Variants in LACRT observed in about 807,000 individuals in gnomAD.
LACRT encodes the protein extracellular glycoprotein lacritin.
In LACRT, 14 loss-of-function variants were observed where a neutral mutation model predicts 14.5. The ratio of observed to expected loss-of-function variants is 0.96; its 90% CI spans 0.64 to 1.51. The LOEUF (loss-of-function observed/expected upper bound fraction) is 1.51. Among genes scored for constraint, LACRT ranks in the 40% most tolerant of loss-of-function variants. The pLI is 0.00. For synonymous variants in LACRT, 70 were observed against 63.5 expected, an observed-to-expected ratio of 1.10 and a Z score of -0.48; for missense variants, 156 against 161.8, an observed-to-expected ratio of 0.96 and a Z score of 0.19.
chr12:54,631,520 C>T (rs914551096), intron 4 of LACRT, among the ~76,000 whole-genome samples: 1 of 152,186 alleles, frequency 6.6e-6, no homozygotes, highest in Non-Finnish European at 1.5e-5. Context: ...GGATTACAGG[C>T]GTGAACCACC....
Position 54,633,188 on chromosome 12 carries a change from G to T in LACRT, c.104C>A (p.Ala35Asp). The T allele has an allele frequency of 6.2e-7, 1 of 1,613,932 alleles. No homozygotes were observed. Among genetic ancestry groups the T allele is most frequent in the Non-Finnish European group, 8.5e-7 (1 of 1,179,904 alleles). ...DSTGADPAQE[A>D]GTSKPNEEIS... The stretch of plus-strand genomic sequence containing the variant: ...GGGAGAGGAGGACTCACAGGTCCCA[G>T]CTTCCTGGGCAGGATCAGCACCCGT... The change falls in exon 2 of 5, where the codon GCT becomes GAT. Residue 35 changes from alanine to aspartate, a missense_variant. Transcript: ENST00000257867.
chr12:54,634,467 T>G (rs1401035749), intron 1 of LACRT, among the ~76,000 whole-genome samples: 2 of 152,040 alleles, frequency 1.3e-5, no homozygotes, highest in Non-Finnish European at 2.9e-5. Flanking sequence ...ACTCCTTGCC[T>G]GGGCACCCTC....
At chr12:54,632,105 C>G in intron 3 of LACRT, 136 bp downstream of exon 3, 1 of 970,304 alleles carries the variant, frequency 1.0e-6, no homozygotes, top group Non-Finnish European at 1.6e-6. Context: ...TGCACAATCC[C>G]ATTTGTGCCT....
At chr12:54,631,920 G>GC (rs1958154982) in intron 3 of LACRT, 81 bp from the exon 4 acceptor site, 4 of 728,598 alleles carry the variant, frequency 5.5e-6, no homozygotes, top group Non-Finnish European at 6.6e-6. Flanking sequence ...ACCTGCACCC[G>GC]CCCCCCACCC....
intron 1 of LACRT, 77 bp from the exon 2 acceptor site, chr12:54,633,310 C>CA: frequency 8.0e-7 from 1 of 1,256,616 alleles, no homozygotes; most frequent in Middle Eastern, 1.9e-4. Context: ...CTCCCATTCC[C>CA]AAAGCTTATC....
intron 4 of LACRT, among the ~76,000 whole-genome samples, chr12:54,631,204 C>T (rs769693893): frequency 6.6e-6 from 1 of 152,140 alleles, no homozygotes; most frequent in Non-Finnish European, 1.5e-5. Flanking sequence ...GGGGTTAGAC[C>T]CCAGGTGAAT....
At position 54,630,968 on chromosome 12, in the gene LACRT, G is replaced by T; in HGVS notation, c.356-15C>A. 6.3e-7 allele frequency: 1 copy of T among 1,580,786 alleles called. No homozygotes were observed. Among genetic ancestry groups the T allele is most frequent in the South Asian group, 1.1e-5 (1 of 90,446 alleles). ...TTCACTTCCATCTAGAAGGAAAGAT[G>T]AGACAAATGAGGCTTTTAGGACCCC... On this transcript the variant is annotated splice_polypyrimidine_tract_variant and intron_variant, in intron 4 of 4. Coordinates refer to ENST00000257867, the MANE Select transcript of LACRT (RefSeq NM_033277.2).
Position 54,632,221 on chromosome 12 carries a change from G to A in LACRT, c.253+20C>T, listed in dbSNP as rs1036803831. The A allele has an allele frequency of 1.9e-6, 3 of 1,613,738 alleles. No homozygotes were observed. Among genetic ancestry groups the A allele is most frequent in the East Asian group, 2.2e-5 (1 of 44,880 alleles). ...GAGACTTTTCTAGGTTGTTGATCTG[G>A]CATAGAGACAGAGACTTACTCAGGG... On this transcript the variant is annotated intron_variant, in intron 3 of 4. Transcript: ENST00000257867.
intron 1 of LACRT, 143 bp downstream of exon 1, chr12:54,634,641 G>A (rs1958176156): frequency 1.2e-6 from 1 of 803,420 alleles, no homozygotes; most frequent in Non-Finnish European, 2.1e-6. Flanking sequence ...GAGGCCACGT[G>A]TGGAGAACTG....
chr12:54,634,254 A>G lies in LACRT; in HGVS notation c.58+530T>C, dbSNP rs1235736528. On this transcript the variant is annotated intron_variant, in intron 1 of 4. Coordinates refer to ENST00000257867, the MANE Select transcript of LACRT (RefSeq NM_033277.2). Reference sequence around the variant, plus strand: ...GTAGTCCCAGCTACCCAGGAGGCTGAGGCAAGATAATCGCTGGAACCCAGG... The same window carrying G: ...GTAGTCCCAGCTACCCAGGAGGCTGGGGCAAGATAATCGCTGGAACCCAGG... Among the ~76,000 whole-genome samples, 3 of 150,600 alleles carry G rather than the reference A, an allele frequency of 2.0e-5. No individual in the cohort carries two copies. In the East Asian group the frequency reaches 5.9e-4, roughly 30 times the overall value.
In LACRT at chr12:54,631,826, C is replaced by G. The variant is rs201410599; in HGVS notation, c.267G>C (p.Glu89Asp). The change falls in exon 4 of 5, where the codon GAG becomes GAC. Residue 89 changes from glutamate to aspartate, a missense_variant. Glu to Asp is a conservative substitution (Grantham distance 45, BLOSUM62 2). Coordinates refer to ENST00000257867, the MANE Select transcript of LACRT (RefSeq NM_033277.2). Reference sequence around the variant, plus strand: ...CTTGTTCTGTTAGTAAGATACTTTTCTCCACTATGGATTCTAATTTTGGAG... The same window carrying G: ...CTTGTTCTGTTAGTAAGATACTTTTGTCCACTATGGATTCTAATTTTGGAG... The part of the protein sequence containing the change: ...QELNPLKSIV[E>D]KSILLTEQAL... 1 of 1,612,516 alleles carries G rather than the reference C, an allele frequency of 6.2e-7. No homozygotes were observed. Among genetic ancestry groups the G allele is most frequent in the East Asian group, 2.2e-5 (1 of 44,856 alleles).
At chr12:54,631,104 A>G in intron 4 of LACRT, 151 bp from the exon 5 acceptor site, 1 of 633,258 alleles carries the variant, frequency 1.6e-6, no homozygotes. Flanking sequence ...GATTAGATTC[A>G]CCAGAGCCTG....
Position 54,634,857 on chromosome 12 carries a change from G to A in LACRT, c.-16C>T. 1.2e-6 allele frequency: 2 copies of A among 1,605,748 alleles called. No individual in the cohort carries two copies. The highest frequency in any genetic ancestry group is 4.5e-5 in the East Asian group (2 of 44,830). On this transcript the variant is annotated 5_prime_UTR_variant, in exon 1 of 5. Coordinates refer to ENST00000257867, the MANE Select transcript of LACRT (RefSeq NM_033277.2). Reference sequence around the variant, plus strand: ...TAAATTTCATTCTTTGGGATGAGGAGTGAGTATAACCACAGAATCTGCAGA... The same window carrying A: ...TAAATTTCATTCTTTGGGATGAGGAATGAGTATAACCACAGAATCTGCAGA...
Position 54,632,376 on chromosome 12 carries a change from G to C in LACRT, c.118C>G (p.Pro40Ala). 1 of 1,613,786 alleles carries C rather than the reference G, an allele frequency of 6.2e-7. No individual in the cohort carries two copies. Among genetic ancestry groups the C allele is most frequent in the Middle Eastern group, 1.7e-4 (1 of 6,060 alleles). ...GCTGGACCTGAGATCTCTTCATTAG[G>C]CTTAGCTGTGAATGCACAAATTGAT... ...DPAQEAGTSK[P>A]NEEISGPAEP... The change falls in exon 3 of 5, where the codon CCT (proline) becomes GCT (alanine). Residue 40 changes from proline (P) to alanine (A), a missense_variant. Transcript: ENST00000257867.
At chr12:54,631,531 G>A (rs903121582) in intron 4 of LACRT, among the ~76,000 whole-genome samples, 7 of 152,146 alleles carry the variant, frequency 4.6e-5, no homozygotes, top group African/African-American at 1.4e-4. Context: ...GTGAACCACC[G>A]TGCCCAGCTG....
intron 1 of LACRT, among the ~76,000 whole-genome samples, chr12:54,634,346 G>A (rs762479948): frequency 1.1e-4 from 13 of 115,478 alleles, no homozygotes; most frequent in Non-Finnish European, 1.8e-4. Context: ...AGGGAGACTC[G>A]GTCTCAAAAA....
chr12:54,633,906 G>GA (rs1958169947), intron 1 of LACRT, among the ~76,000 whole-genome samples: 2 of 152,150 alleles, frequency 1.3e-5, no homozygotes, highest in African/African-American at 4.8e-5. Context: ...TTTTCTAGAT[G>GA]AAAAATCATT....
At position 54,632,416 on chromosome 12, in the gene LACRT, T is replaced by C. The variant is rs377676470; in HGVS notation, c.113-35A>G. Reference sequence around the variant, plus strand: ...CACAAATTGATGGATTTTAGCAAAGTGAAAGTGTTTGTTTCTTTTGGAATG... The same window carrying C: ...CACAAATTGATGGATTTTAGCAAAGCGAAAGTGTTTGTTTCTTTTGGAATG... On this transcript the variant is annotated intron_variant, in intron 2 of 4. Transcript: ENST00000257867. 124 of 1,609,554 alleles carry C rather than the reference T, an allele frequency of 7.7e-5. No individual in the cohort carries two copies. In the African/African-American group the frequency reaches 1.4e-3, roughly 18 times the overall value.
At position 54,633,146 on chromosome 12, in the gene LACRT, C is replaced by T. The variant is rs115843517; in HGVS notation, c.112+34G>A. 1.8e-3 allele frequency: 2,973 copies of T among 1,608,662 alleles called. 41 individuals are homozygous for T. The African/African-American group carries it at 0.036, about 20-fold the overall frequency. On this transcript the variant is annotated intron_variant, in intron 2 of 4. Transcript: ENST00000257867. ...ATCCCTAACTGTTAAACCTTCCCAA[C>T]GAGGGCTAGGGCAGCAGGGAGAGGA... is the stretch of plus-strand genomic sequence containing the variant.
Sources: allele counts gnomAD v4.1 joint callset (sites outside exome capture counted in the v4.1 genomes callset), GRCh38; gene constraint gnomAD v4.1.1; transcripts MANE v1.5; gene names NCBI Gene and HGNC (gene_info 2026-07-23, HGNC 2026-07-21).